The following ARAP3 variants were observed in gnomAD, a reference collection of about 807,000 sequenced individuals.
The protein encoded by ARAP3 is ArfGAP with RhoGAP domain, ankyrin repeat and PH domain 3.
ARAP3 carries 82 observed loss-of-function variants against 169.2 expected under a neutral mutation model. That is an observed-to-expected ratio of 0.48 (90% CI 0.41 to 0.58). The LOEUF (loss-of-function observed/expected upper bound fraction) is 0.58. Among genes scored for constraint, ARAP3 ranks in the 20% least tolerant of loss-of-function variants. The probability of loss-of-function intolerance (pLI) is 0.00; values close to 1 mark genes in which losing one functional copy is unlikely to be tolerated. For missense variants in ARAP3, 1,764 were observed against 2,018.0 expected, an observed-to-expected ratio of 0.87 and a Z score of 2.41; for synonymous variants, 791 against 800.3, an observed-to-expected ratio of 0.99 and a Z score of 0.20.
At chr5:141,661,916 G>A (rs2154598818) in intron 20 of ARAP3, 127 bp from the exon 21 acceptor site, 2 of 1,497,648 alleles carry the variant, frequency 1.3e-6, no homozygotes, top group East Asian at 2.3e-5. Context: ...ACCTCCCCCT[G>A]AGCCAAGTCT....
Position 141,658,449 on chromosome 5 carries a change from T to C in ARAP3, c.3442A>G (p.Thr1148Ala), listed in dbSNP as rs201404844. The C allele has an allele frequency of 4.9e-5, 79 of 1,614,018 alleles. No homozygotes were observed. The highest frequency in any genetic ancestry group is 4.5e-5 in the East Asian group (2 of 44,874). The change falls in exon 25 of 33, where the codon ACT becomes GCT. Residue 1148 changes from threonine to alanine, a missense_variant. This residue lies in a region of ARAP3 where 1,112 missense variants were observed against 1,285.7 expected (regional missense o/e 0.86). Coordinates refer to ENST00000239440, the MANE Select transcript of ARAP3 (RefSeq NM_022481.6). Reference sequence around the variant, plus strand: ...CCCCGCATCTCCAGTACCTGGTTAGTCAGCTCCTCAGCAGTCAGGGTTGGG... The same window carrying C: ...CCCCGCATCTCCAGTACCTGGTTAGCCAGCTCCTCAGCAGTCAGGGTTGGG... ...VSPTLTAEEL[T>A]NQVLEMRGTA...
At position 141,680,508 on chromosome 5, in the gene ARAP3, G is replaced by T. The variant is rs753607206; in HGVS notation, c.-17-5C>A. ...CCATGGGGGCTCAGGCCATTGCTGGGGGGAGGGGCAGGGTGAAGGGAGGGC... is the reference window on the plus strand; with the variant it reads ...CCATGGGGGCTCAGGCCATTGCTGGTGGGAGGGGCAGGGTGAAGGGAGGGC... On this transcript the variant is annotated splice_region_variant and splice_polypyrimidine_tract_variant and intron_variant, in intron 1 of 32. Coordinates refer to ENST00000239440, the MANE Select transcript of ARAP3 (RefSeq NM_022481.6). The T allele has an allele frequency of 1.3e-6, 2 of 1,568,766 alleles. No homozygotes were observed. The highest frequency in any genetic ancestry group is 1.7e-6 in the Non-Finnish European group (2 of 1,159,258).
rs756600715 is a variant in ARAP3, at chr5:141,679,792, G to T, written c.555C>A (p.Pro185=). 4.3e-6 allele frequency: 7 copies of T among 1,613,592 alleles called. No homozygotes were observed. The highest frequency in any genetic ancestry group is 3.3e-5 in the South Asian group (3 of 91,052). The change falls in exon 3 of 33, where the codon CCC becomes CCA. Residue 185 remains proline (P), a synonymous_variant. Coordinates refer to ENST00000239440, the MANE Select transcript of ARAP3 (RefSeq NM_022481.6). ...KAPDSSQISA[P]TPALRPTTGT... ...CTGTTGTGGGCCTGAGGGCAGGGGTGGGGGCAGAGATTTGGGAGCTGTCTG... is the reference window on the plus strand; with the variant it reads ...CTGTTGTGGGCCTGAGGGCAGGGGTTGGGGCAGAGATTTGGGAGCTGTCTG...
intron 2 of ARAP3, 52 bp from the exon 3 acceptor site, chr5:141,679,874 C>T: frequency 6.2e-7 from 1 of 1,610,206 alleles, no homozygotes. Flanking sequence ...AAGAACAAGC[C>T]TTCATGCCCT....
In ARAP3 at chr5:141,680,000, GGCCGAAGTA is replaced by G. The variant is rs1429981235; in HGVS notation, c.478_486del (p.Tyr160_Gly162del). The G allele has an allele frequency of 1.2e-6, 2 of 1,614,066 alleles. No homozygotes were observed. Among genetic ancestry groups the G allele is most frequent in the Non-Finnish European group, 1.7e-6 (2 of 1,180,040 alleles). ...GCCTGTGCCCTGCCTCTTGAGTCCA[GGCCGAAGTA>G]GATGGAATTAGGCATCATCTCCACA... On this transcript the variant is annotated inframe_deletion, in exon 2 of 33. Coordinates refer to ENST00000239440, the MANE Select transcript of ARAP3 (RefSeq NM_022481.6).
At chr5:141,661,995 A>C (rs112356227) in intron 20 of ARAP3, 48 bp downstream of exon 20, 1 of 1,604,914 alleles carries the variant, frequency 6.2e-7, no homozygotes. Context: ...TGGTGGGGGA[A>C]GGCAGAGATC....
Position 141,655,652 on chromosome 5 carries a change from C to T in ARAP3, c.4079G>A (p.Gly1360Glu). The T allele has an allele frequency of 6.2e-7, 1 of 1,614,088 alleles. No homozygotes were observed. Among genetic ancestry groups the T allele is most frequent in the Non-Finnish European group, 8.5e-7 (1 of 1,180,000 alleles). The change falls in exon 31 of 33, where the codon GGA (glycine) becomes GAA (glutamate). Residue 1360 changes from glycine to glutamate, a missense_variant. Around this residue, in one of 3 missense-constraint regions of ARAP3, gnomAD observed 1,112 missense variants for 1,285.7 expected, o/e 0.86. Coordinates refer to ENST00000239440, the MANE Select transcript of ARAP3 (RefSeq NM_022481.6). ...CTGATTGGCAGAGAGGAGGGTGGCT[C>T]CACTGTCATCCCCACGGATAGGCAG... Reference protein sequence around the residue: ...PLLPIRGDDSGATLLSANQTL... With the variant: ...PLLPIRGDDSEATLLSANQTL...
At chr5:141,673,255 T>A in intron 6 of ARAP3, 122 bp from the exon 7 acceptor site, 2 of 1,567,084 alleles carry the variant, frequency 1.3e-6, no homozygotes, top group East Asian at 2.3e-5. Flanking sequence ...GTACAGCTGC[T>A]AAGCCAGCTA....
chr5:141,680,422 G>C lies in ARAP3; in HGVS notation c.65C>G (p.Ala22Gly). The change falls in exon 2 of 33, where the codon GCA (alanine) becomes GGA (glycine). Residue 22 changes from alanine to glycine, a missense_variant. This residue lies in a region of ARAP3 where 630 missense variants were observed against 678.7 expected (regional missense o/e 0.93). Coordinates refer to ENST00000239440, the MANE Select transcript of ARAP3 (RefSeq NM_022481.6). Reference sequence around the variant, plus strand: ...CAGGCCATGCCGTCGGAACGTGTCTGCATACTGCTCCAGGTGCACCGTGGC... The same window carrying C: ...CAGGCCATGCCGTCGGAACGTGTCTCCATACTGCTCCAGGTGCACCGTGGC... ...WLATVHLEQY[A>G]DTFRRHGLAT... The C allele has an allele frequency of 6.2e-7, 1 of 1,612,906 alleles. No individual in the cohort carries two copies. The highest frequency in any genetic ancestry group is 8.5e-7 in the Non-Finnish European group (1 of 1,179,982).
intron 4 of ARAP3, 50 bp downstream of exon 4, chr5:141,679,495 C>T: frequency 6.4e-7 from 1 of 1,567,430 alleles, no homozygotes; most frequent in Non-Finnish European, 8.8e-7. Context: ...ACATGGCCGC[C>T]ACCGACTCAC....
rs534619522 is a variant in ARAP3 at position 141,666,417 on chromosome 5, C to T, written c.2572+7G>A. On this transcript the variant is annotated splice_region_variant and intron_variant, in intron 17 of 32. Transcript: ENST00000239440. ...TCATCCCTGTCCCCCCAAACCTCCC[C>T]GCTTACTGATCTCCTGTAGCCGCCG... The T allele has an allele frequency of 2.1e-5, 33 of 1,561,174 alleles. No homozygotes were observed. The highest frequency in any genetic ancestry group is 1.8e-4 in the Middle Eastern group (1 of 5,544).
chr5:141,671,396 A>G lies in ARAP3; in HGVS notation c.1859T>C (p.Leu620Pro), dbSNP rs2099911429. Residue 620 changes from leucine to proline, a missense_variant, in exon 13 of 33, where the codon CTG becomes CCG. Coordinates refer to ENST00000239440, the MANE Select transcript of ARAP3 (RefSeq NM_022481.6). The surrounding 1 kb of genome is among the most constrained non-coding windows in gnomAD (Gnocchi z 4.9). ...YPDHSQLLQA[L>P]CAAVARPNLL... The stretch of plus-strand genomic sequence containing the variant: ...GTTGGGTCTTGCCACAGCTGCACAC[A>G]GTGCCTGCAGGGAGGGAAGGGCCTC... 1.2e-6 allele frequency: 2 copies of G among 1,608,874 alleles called. No homozygotes were observed. The highest frequency in any genetic ancestry group is 3.4e-5 in the Admixed American group (2 of 59,506).
At chr5:141,656,415 G>A in intron 27 of ARAP3, 89 bp downstream of exon 27, 1 of 1,582,502 alleles carries the variant, frequency 6.3e-7, no homozygotes, top group Non-Finnish European at 8.6e-7. Flanking sequence ...ATTGATGAGA[G>A]TATGGGCTGT....
Position 141,653,776 on chromosome 5 carries a change from C to A in ARAP3, c.*174G>T, listed in dbSNP as rs1011963263. 164 of 818,050 alleles carry A rather than the reference C, an allele frequency of 2.0e-4. No homozygotes were observed. Among genetic ancestry groups the A allele is most frequent in the Non-Finnish European group, 2.7e-4 (152 of 565,334 alleles). 50.7% of individuals were successfully genotyped at this position (818,050 alleles called of 1,614,324 possible). A position where few individuals can be genotyped will look rare whatever the true frequency, so the allele number is the denominator to read the frequency against. On this transcript the variant is annotated 3_prime_UTR_variant, in exon 33 of 33. Transcript: ENST00000239440. ...TAAATGGGCTGGGCCCAGAGAGGGG[C>A]CATGACCTGTCCTGGGACACGCAGC...
In ARAP3 at chr5:141,675,726, A is replaced by C. The variant is rs1056131260; in HGVS notation, c.699-1918T>G. On this transcript the variant is annotated intron_variant, in intron 4 of 32. Coordinates refer to ENST00000239440, the MANE Select transcript of ARAP3 (RefSeq NM_022481.6). Reference sequence around the variant, plus strand: ...CAACAGAGCGAGACTCTGTCACAAAAAAAAAAAAATTTCCCCAGCCTATGA... The same window carrying C: ...CAACAGAGCGAGACTCTGTCACAAACAAAAAAAAATTTCCCCAGCCTATGA... Among the ~76,000 whole-genome samples, 16 of 152,172 alleles carry C rather than the reference A, an allele frequency of 1.1e-4. 1 individual carries two copies. The highest frequency in any genetic ancestry group is 3.6e-4 in the African/African-American group (15 of 41,494).
At chr5:141,661,306 C>T (rs181080588) in intron 21 of ARAP3, among the ~76,000 whole-genome samples, 4 of 152,116 alleles carry the variant, frequency 2.6e-5, no homozygotes, top group South Asian at 2.1e-4. Context: ...TTAGATGACC[C>T]GCCCACCTTG....
At chr5:141,665,505 G>A (rs1382149165) in intron 17 of ARAP3, 131 bp from the exon 18 acceptor site, 11 of 882,062 alleles carry the variant, frequency 1.2e-5, no homozygotes, top group Non-Finnish European at 1.8e-5. Flanking sequence ...AATCCTATGA[G>A]TTATGTACTA....
chr5:141,673,813 T>C lies in ARAP3; in HGVS notation c.699-5A>G. 6.2e-7 allele frequency: 1 copy of C among 1,613,678 alleles called. No individual in the cohort carries two copies. Among genetic ancestry groups the C allele is most frequent in the Non-Finnish European group, 8.5e-7 (1 of 1,179,934 alleles). The stretch of plus-strand genomic sequence containing the variant: ...TCCAGATCCTGTCTGCTGAGCCTTG[T>C]GGGGGCCAAGACAGGGAGGGACACA... On this transcript the variant is annotated splice_polypyrimidine_tract_variant and splice_region_variant and intron_variant, in intron 4 of 32. Transcript: ENST00000239440.
Position 141,658,417 on chromosome 5 carries a change from TG to T in ARAP3, c.3473del (p.Ala1158GlufsTer8). The T allele has an allele frequency of 6.2e-7, 1 of 1,614,106 alleles. No individual in the cohort carries two copies. ...AAGTCACCCACAAGTCCATCCCAGC[TG>T]CTGTCCCCCGCATCTCCAGTACCTG... is the stretch of plus-strand genomic sequence containing the variant. ...TNQVLEMRGTAAGMDLWVTFE... is the reference protein window; with the variant it reads ...TNQVLEMRGTXAGMDLWVTFE... On this transcript the variant is annotated frameshift_variant, in exon 25 of 33. Transcript: ENST00000239440. LOFTEE classifies it high-confidence loss of function.
Sources: allele counts gnomAD v4.1 joint callset (sites outside exome capture counted in the v4.1 genomes callset), GRCh38; gene constraint gnomAD v4.1.1; regional missense constraint gnomAD v4.1.1; non-coding constraint Gnocchi (gnomAD v3.1); transcripts MANE v1.5; gene names NCBI Gene and HGNC (gene_info 2026-07-23, HGNC 2026-07-21).